Variants in SERPINA3 observed in about 807,000 individuals in gnomAD.
SERPINA3 encodes the protein alpha-1-antichymotrypsin.
SERPINA3 carries 32 observed loss-of-function variants against 26.8 expected under a neutral mutation model. That is an observed-to-expected ratio of 1.20 (90% CI 0.90 to 1.61). SERPINA3 has a LOEUF of 1.61. SERPINA3 is among the 40% of genes most tolerant of loss of function. SERPINA3 has a pLI of 0.00. For missense variants in SERPINA3, 632 were observed against 517.9 expected, an observed-to-expected ratio of 1.22 and a Z score of -2.14; for synonymous variants, 252 against 206.4, an observed-to-expected ratio of 1.22 and a Z score of -1.89.
intron 2 of SERPINA3, among the ~76,000 whole-genome samples, chr14:94,617,116 T>C (rs1490078441): frequency 6.6e-6 from 1 of 152,044 alleles, no homozygotes; most frequent in Non-Finnish European, 1.5e-5. Flanking sequence ...CCCTGGGTAA[T>C]ATGGGAAGGT....
intron 1 of SERPINA3, 70 bp from the exon 2 acceptor site, chr14:94,614,364 G>A: frequency 6.7e-7 from 1 of 1,496,966 alleles, no homozygotes; most frequent in African/African-American, 1.4e-5. Context: ...CGCAGGCTGG[G>A]TGGAGGGCAG....
At position 94,623,653 on chromosome 14, in the gene SERPINA3, GA is replaced by G; in HGVS notation, c.1113del (p.Ala372HisfsTer15). On this transcript the variant is annotated frameshift_variant, in exon 5 of 5. Transcript: ENST00000393078. LOFTEE classifies it low-confidence loss of function (END_TRUNC). The stretch of plus-strand genomic sequence containing the variant: ...GCTTGATGTATTTGAGGAGGGCACA[GA>G]AGCATCTGCTGCCACAGCAGTCAAA... Reference protein sequence around the residue: ...AVLDVFEEGTEASAATAVKIT... With the variant: ...AVLDVFEEGTXASAATAVKIT... 1.2e-6 allele frequency: 2 copies of G among 1,614,174 alleles called. No homozygotes were observed. The highest frequency in any genetic ancestry group is 2.2e-5 in the East Asian group (1 of 44,876).
chr14:94,614,726 C>G lies in SERPINA3; in HGVS notation c.285C>G (p.Thr95=). ...AFLSLGAHNT[T]LTEILKGLKF... ...TGTCTCTGGGGGCCCATAATACCAC[C>G]CTGACAGAGATTCTCAAAGGCCTCA... The change falls in exon 2 of 5, where the codon ACC becomes ACG. Residue 95 remains threonine, a synonymous_variant. Coordinates refer to ENST00000393078, the MANE Select transcript of SERPINA3 (RefSeq NM_001085.5). The G allele has an allele frequency of 1.2e-6, 2 of 1,614,156 alleles. No individual in the cohort carries two copies. The highest frequency in any genetic ancestry group is 1.7e-6 in the Non-Finnish European group (2 of 1,180,024).
chr14:94,621,164 A>G (rs1886188576), intron 3 of SERPINA3, among the ~76,000 whole-genome samples: 1 of 151,478 alleles, frequency 6.6e-6, no homozygotes, highest in African/African-American at 2.4e-5. Flanking sequence ...GCCCCTCCTC[A>G]CTCTAGATCC....
chr14:94,618,412 G>A (rs113471431), intron 2 of SERPINA3: 3,583 of 152,406 alleles, frequency 0.024, 135 homozygotes, highest in African/African-American at 0.077. Context: ...AGCCTAGGCA[G>A]CCTCAGAGTC....
rs750030049 is a variant in SERPINA3, at chr14:94,623,715, C to G, written c.1173C>G (p.Thr391=). ...TLLSALVETR[T]IVRFNRPFLM... ...TTTCTGCATTAGTGGAGACAAGGAC[C>G]ATTGTGCGTTTCAACAGGCCCTTCC... is the stretch of plus-strand genomic sequence containing the variant. Residue 391 remains threonine (T), a synonymous_variant, in exon 5 of 5, where the codon ACC becomes ACG. Transcript: ENST00000393078. The G allele has an allele frequency of 1.9e-6, 3 of 1,614,114 alleles. No individual in the cohort carries two copies. The highest frequency in any genetic ancestry group is 2.2e-5 in the South Asian group (2 of 91,070).
intron 4 of SERPINA3, among the ~76,000 whole-genome samples, chr14:94,623,319 A>G (rs1179867692): frequency 6.6e-6 from 1 of 152,156 alleles, no homozygotes; most frequent in East Asian, 1.9e-4. Context: ...TTTGGGGGCA[A>G]AATAGACTCT....
chr14:94,623,928 C>T lies in SERPINA3; in HGVS notation c.*114C>T, dbSNP rs2139968015. On this transcript the variant is annotated 3_prime_UTR_variant, in exon 5 of 5. Coordinates refer to ENST00000393078, the MANE Select transcript of SERPINA3 (RefSeq NM_001085.5). ...CACCGAGTGGCCATGGCATGTGTGGCCCTGTCTGCTTATCCTTGGAAGGTG... is the reference window on the plus strand; with the variant it reads ...CACCGAGTGGCCATGGCATGTGTGGTCCTGTCTGCTTATCCTTGGAAGGTG... 3 of 908,664 alleles carry T rather than the reference C, an allele frequency of 3.3e-6. No individual in the cohort carries two copies. The highest frequency in any genetic ancestry group is 5.4e-6 in the Non-Finnish European group (3 of 551,094). 56.3% of individuals were successfully genotyped at this position (908,664 alleles called of 1,614,324 possible).
chr14:94,621,750 G>T (rs974955380), intron 3 of SERPINA3, among the ~76,000 whole-genome samples: 2 of 151,124 alleles, frequency 1.3e-5, no homozygotes, highest in African/African-American at 4.9e-5. Flanking sequence ...GGCCCTTTTT[G>T]ACCTGCCTCT....
intron 2 of SERPINA3, among the ~76,000 whole-genome samples, chr14:94,615,917 G>A (rs1016020983): frequency 6.6e-6 from 1 of 152,216 alleles, no homozygotes; most frequent in African/African-American, 2.4e-5. Context: ...CACAAAGAGT[G>A]ATCACTGAGC....
chr14:94,623,861 A>C lies in SERPINA3; in HGVS notation c.*47A>C, dbSNP rs1194857245. The C allele has an allele frequency of 1.3e-6, 2 of 1,544,804 alleles. No individual in the cohort carries two copies. The highest frequency in any genetic ancestry group is 8.9e-7 in the Non-Finnish European group (1 of 1,119,648). ...GCTCTCAGTAAGGAACTTGGAATGC[A>C]AGCTGGATGCCTGGGTCTCTGGGCA... On this transcript the variant is annotated 3_prime_UTR_variant, in exon 5 of 5. Transcript: ENST00000393078.
At chr14:94,614,076 T>TA in intron 1 of SERPINA3, 1 of 281,344 alleles carries the variant, frequency 3.6e-6, no homozygotes, top group South Asian at 4.7e-5. Flanking sequence ...GCAGGCATTC[T>TA]GATTGGACTG....
At chr14:94,615,743 A>C (rs1184373864) in intron 2 of SERPINA3, among the ~76,000 whole-genome samples, 1 of 152,242 alleles carries the variant, frequency 6.6e-6, no homozygotes, top group African/African-American at 2.4e-5. Context: ...TATACAAAAC[A>C]TGACCCTTTG....
intron 4 of SERPINA3, 70 bp from the exon 5 acceptor site, chr14:94,623,541 G>T: frequency 7.1e-7 from 1 of 1,407,402 alleles, no homozygotes; most frequent in Non-Finnish European, 1.0e-6. Flanking sequence ...CCCCTTAGTG[G>T]CACACAGGCA....
At position 94,619,344 on chromosome 14, in the gene SERPINA3, G is replaced by C; in HGVS notation, c.793G>C (p.Glu265Gln). The C allele has an allele frequency of 6.2e-7, 1 of 1,614,190 alleles. No individual in the cohort carries two copies. Among genetic ancestry groups the C allele is most frequent in the Non-Finnish European group, 8.5e-7 (1 of 1,180,046 alleles). Reference protein sequence around the residue: ...RDEELSCTVVELKYTGNASAL... With the variant: ...RDEELSCTVVQLKYTGNASAL... ...CGAGGAGCTGTCCTGCACCGTGGTG[G>C]AGCTGAAGTACACAGGCAATGCCAG... The change falls in exon 3 of 5, where the codon GAG (glutamate) becomes CAG (glutamine). Residue 265 changes from glutamate (E) to glutamine (Q), a missense_variant. Physicochemically the swap from Glu to Gln is conservative, Grantham distance 29. Transcript: ENST00000393078.
rs117416435 is a variant in SERPINA3, at chr14:94,621,968, G to A, written c.918-373G>A. Among the ~76,000 whole-genome samples the A allele has an allele frequency of 3.8e-3, 585 of 152,304 alleles. 2 individuals are homozygous for A. Among genetic ancestry groups the A allele is most frequent in the Non-Finnish European group, 6.7e-3 (454 of 68,034 alleles). ...TACAGGAAGCCCTCCTGGTGCCCCC[G>A]TGAAGCAGGCTGCCATGCAGCCACT... On this transcript the variant is annotated intron_variant, in intron 3 of 4. Transcript: ENST00000393078.
rs536239718 is a variant in SERPINA3 at position 94,614,880 on chromosome 14, C to G, written c.439C>G (p.Leu147Val). The change falls in exon 2 of 5, where the codon CTC becomes GTC. Residue 147 changes from leucine (L) to valine (V), a missense_variant. By Grantham distance (32) the Leu-to-Val change is conservative. Coordinates refer to ENST00000393078, the MANE Select transcript of SERPINA3 (RefSeq NM_001085.5). ...MGNAMFVKEQ[L>V]SLLDRFTEDA... is the part of the protein sequence containing the mutation. Reference sequence around the variant, plus strand: ...AAATGCCATGTTTGTCAAAGAGCAACTCAGTCTGCTGGACAGGTTCACGGA... The same window carrying G: ...AAATGCCATGTTTGTCAAAGAGCAAGTCAGTCTGCTGGACAGGTTCACGGA... The G allele has an allele frequency of 2.5e-6, 4 of 1,614,222 alleles. No individual in the cohort carries two copies. The African/African-American group carries it at 4.0e-5, about 16-fold the overall frequency.
At chr14:94,615,520 G>T in intron 2 of SERPINA3, 1 of 452,386 alleles carries the variant, frequency 2.2e-6, no homozygotes, top group East Asian at 6.8e-5. Flanking sequence ...GCACATTCCA[G>T]CCAGGGGCCT....
At chr14:94,616,338 G>A (rs568595140) in intron 2 of SERPINA3, among the ~76,000 whole-genome samples, 1 of 152,148 alleles carries the variant, frequency 6.6e-6, no homozygotes, top group African/African-American at 2.4e-5. Flanking sequence ...GTGGAGACCT[G>A]CAGGGCCCCT....
Sources: gnomAD v4.1 joint callset for allele counts (sites outside exome capture counted in the v4.1 genomes callset) on GRCh38, gnomAD v4.1.1 for gene constraint, MANE v1.5 for transcripts, NCBI Gene and HGNC (gene_info 2026-07-23, HGNC 2026-07-21) for gene names.